DLC1: variants seen among roughly 807,000 people sequenced by gnomAD.
DLC1 encodes the protein rho GTPase-activating protein 7.
Under a neutral mutation model 140.3 loss-of-function variants are expected in DLC1, and 54 were observed. The ratio of observed to expected loss-of-function variants is 0.38; its 90% CI spans 0.31 to 0.48. DLC1 has a LOEUF of 0.48. DLC1 is among the 20% of genes least tolerant of loss of function. The pLI, the probability that DLC1 is intolerant of heterozygous loss-of-function variation, is 0.96. For missense variants in DLC1, 2,536 were observed against 1,907.0 expected (o/e 1.33, Z -6.14); for synonymous variants, 986 against 728.1 (o/e 1.35, Z -5.70).
At chr8:13,530,420 A>G (rs1278267336) in intron 1 of DLC1, among the ~76,000 whole-genome samples, 2 of 152,160 alleles carry the variant, frequency 1.3e-5, no homozygotes, top group Non-Finnish European at 2.9e-5. Context: ...GAGGTGGGGG[A>G]AATTTTTAGG....
At chr8:13,556,340 C>T (rs975649591) in intron 1 of DLC1, among the ~76,000 whole-genome samples, 1 of 152,132 alleles carries the variant, frequency 6.6e-6, no homozygotes, top group Admixed American at 6.5e-5. Context: ...TGGCTACATG[C>T]TGGAATCACC....
chr8:13,446,859 T>C (rs186230867), intron 2 of DLC1, among the ~76,000 whole-genome samples: 74 of 151,864 alleles, frequency 4.9e-4, no homozygotes, highest in Middle Eastern at 6.8e-3. Flanking sequence ...GAAGAATCGC[T>C]TGAACCCGGG....
chr8:13,117,153 C>T (rs1442165470), intron 5 of DLC1, among the ~76,000 whole-genome samples: 1 of 152,062 alleles, frequency 6.6e-6, no homozygotes, highest in Admixed American at 6.6e-5. Flanking sequence ...AAAACATATA[C>T]AAGCTCAATA....
At chr8:13,274,807 T>A (rs1260631579) in intron 5 of DLC1, among the ~76,000 whole-genome samples, 1 of 120,984 alleles carries the variant, frequency 8.3e-6, no homozygotes, top group Non-Finnish European at 1.8e-5. Flanking sequence ...TTTAGTAAGA[T>A]ATTATTTATA....
chr8:13,584,829 C>T (rs1805243414), intron 1 of DLC1, among the ~76,000 whole-genome samples: 2 of 152,170 alleles, frequency 1.3e-5, no homozygotes, highest in African/African-American at 4.8e-5. Context: ...CTACCCAATC[C>T]TCCCTTTTCT....
chr8:13,214,167 G>T (rs1828078348), intron 5 of DLC1: 1 of 155,926 alleles, frequency 6.4e-6, no homozygotes, highest in African/African-American at 2.4e-5. Flanking sequence ...AAGATTTCAA[G>T]TGTGGTACAC....
chr8:13,115,513 C>A, intron 6 of DLC1, 73 bp downstream of exon 6: 2 of 1,331,238 alleles, frequency 1.5e-6, no homozygotes, highest in South Asian at 2.7e-5. Flanking sequence ...GAAAATAAGT[C>A]ATAGATCAGT....
intron 5 of DLC1, among the ~76,000 whole-genome samples, chr8:13,194,000 C>A (rs1197611480): frequency 6.6e-6 from 1 of 152,118 alleles, no homozygotes; most frequent in East Asian, 1.9e-4. Flanking sequence ...CTTATATGTG[C>A]ACTAAAAATT....
chr8:13,216,965 T>C (rs1381731069), intron 5 of DLC1, among the ~76,000 whole-genome samples: 1 of 152,096 alleles, frequency 6.6e-6, no homozygotes, highest in Non-Finnish European at 1.5e-5. Flanking sequence ...GTGGGCAGCA[T>C]GTTTGTCTTT....
At chr8:13,376,626 T>A (rs1322015730) in intron 4 of DLC1, among the ~76,000 whole-genome samples, 1 of 152,188 alleles carries the variant, frequency 6.6e-6, no homozygotes. Context: ...GTGATTTGAT[T>A]TTTTGGATTT....
intron 3 of DLC1, among the ~76,000 whole-genome samples, chr8:13,398,824 C>G (rs1363259315): frequency 6.6e-6 from 1 of 152,048 alleles, no homozygotes; most frequent in African/African-American, 2.4e-5. Flanking sequence ...AGCAACACAT[C>G]TTTGATTGAT....
Position 13,553,203 on chromosome 8 carries a change from CATATATATATATATATATATATATGTAT to C in DLC1, c.-126+51306_-126+51333del, listed in dbSNP as rs1163932017. On this transcript the variant is annotated intron_variant, in intron 1 of 1. Coordinates refer to the DLC1 transcript ENST00000631382. ...ATATTGACAAATACCTGCCAGCTGTCATATATATATATATATATATATATGTATATATATATATATATATATATGTATC... is the reference window on the plus strand; with the variant it reads ...ATATTGACAAATACCTGCCAGCTGTCATATATATATATATATATATGTATC... Among the ~76,000 whole-genome samples the C allele has an allele frequency of 8.8e-5, 6 of 68,026 alleles. 1 individual carries two copies. The highest frequency in any genetic ancestry group is 5.6e-4 in the South Asian group (1 of 1,778). The allele number at this position is 68,026 out of a possible 152,430, so 44.6% of individuals were successfully genotyped here.
chr8:13,594,740 A>G (rs1304259978), intron 1 of DLC1, among the ~76,000 whole-genome samples: 1 of 152,042 alleles, frequency 6.6e-6, no homozygotes, highest in Non-Finnish European at 1.5e-5. Flanking sequence ...ACAGACAGCA[A>G]CTGAACACCT....
At chr8:13,392,986 G>A (rs987605902) in intron 4 of DLC1, among the ~76,000 whole-genome samples, 1 of 152,098 alleles carries the variant, frequency 6.6e-6, no homozygotes, top group Non-Finnish European at 1.5e-5. Flanking sequence ...TGATGTGGAT[G>A]TTTTATATAT....
At chr8:13,279,272 A>G (rs1406967477) in intron 5 of DLC1, among the ~76,000 whole-genome samples, 1 of 152,210 alleles carries the variant, frequency 6.6e-6, no homozygotes, top group South Asian at 2.1e-4. Context: ...ACTCAGGTCT[A>G]ATCACCAAAG....
chr8:13,164,424 G>A (rs113969127), intron 5 of DLC1, among the ~76,000 whole-genome samples: 12 of 152,042 alleles, frequency 7.9e-5, no homozygotes. Flanking sequence ...AGTGTTCATG[G>A]TCCAATGTAG....
At chr8:13,285,714 G>A (rs1487406753) in intron 5 of DLC1, among the ~76,000 whole-genome samples, 2 of 152,132 alleles carry the variant, frequency 1.3e-5, no homozygotes, top group Admixed American at 1.3e-4. Context: ...ATGTAAAATG[G>A]TTTAAGCCAT....
chr8:13,191,773 A>G (rs1826768816), intron 5 of DLC1, among the ~76,000 whole-genome samples: 1 of 152,098 alleles, frequency 6.6e-6, no homozygotes, highest in Non-Finnish European at 1.5e-5. Context: ...GACTGTGGCC[A>G]CAACATTCTC....
At chr8:13,226,473 A>G (rs1828799674) in intron 5 of DLC1, among the ~76,000 whole-genome samples, 1 of 152,184 alleles carries the variant, frequency 6.6e-6, no homozygotes, top group Non-Finnish European at 1.5e-5. Context: ...TGACTTAGAA[A>G]GCAGTTATCC....
Sources: gnomAD v4.1 joint callset for allele counts (sites outside exome capture counted in the v4.1 genomes callset) on GRCh38, gnomAD v4.1.1 for gene constraint, MANE v1.5 for transcripts, NCBI Gene and HGNC (gene_info 2026-07-23, HGNC 2026-07-21) for gene names.